CTNNA2: variants seen among roughly 807,000 people sequenced by gnomAD.
The protein encoded by CTNNA2 is catenin alpha-2.
Under a neutral mutation model 101.0 loss-of-function variants are expected in CTNNA2, and 42 were observed. The ratio of observed to expected loss-of-function variants is 0.42; its 90% CI spans 0.32 to 0.54. CTNNA2 has a LOEUF of 0.54. Ranked by LOEUF, CTNNA2 falls within the 20% of genes least tolerant of loss-of-function variation. The pLI, the probability that CTNNA2 is intolerant of heterozygous loss-of-function variation, is 0.14. For synonymous variants in CTNNA2, 450 were observed against 456.4 expected (o/e 0.99, Z 0.18); for missense variants, 871 against 1,223.1 (o/e 0.71, Z 4.29).
At chr2:79,787,142 C>T (rs953967387) in intron 3 of CTNNA2, among the ~76,000 whole-genome samples, 14 of 152,146 alleles carry the variant, frequency 9.2e-5, no homozygotes, top group Admixed American at 3.9e-4. Context: ...AAATGATCCT[C>T]GCTTCAAAAT....
chr2:79,388,282 C>G (rs1023542767), intron 4 of CTNNA2, among the ~76,000 whole-genome samples: 2 of 152,126 alleles, frequency 1.3e-5, no homozygotes, highest in Non-Finnish European at 2.9e-5. Context: ...GGTCACTGTT[C>G]CAAAGGGAAG....
At chr2:79,778,606 C>A (rs1019233970) in intron 3 of CTNNA2, among the ~76,000 whole-genome samples, 1 of 152,032 alleles carries the variant, frequency 6.6e-6, no homozygotes, top group African/African-American at 2.4e-5. Context: ...TACATATATA[C>A]ACACATATAT....
At chr2:79,842,358 C>A (rs955049564) in intron 3 of CTNNA2, among the ~76,000 whole-genome samples, 1 of 152,186 alleles carries the variant, frequency 6.6e-6, no homozygotes, top group Admixed American at 6.5e-5. Context: ...GAAATGGGAA[C>A]AGTACCCCAT....
At chr2:79,298,942 T>A in intron 2 of CTNNA2, among the ~76,000 whole-genome samples, 1 of 152,254 alleles carries the variant, frequency 6.6e-6, no homozygotes, top group Non-Finnish European at 1.5e-5. Flanking sequence ...AATCCCTGAA[T>A]AACTTATCCA....
chr2:79,682,579 C>T (rs568371427), intron 2 of CTNNA2, among the ~76,000 whole-genome samples: 2 of 152,070 alleles, frequency 1.3e-5, no homozygotes, highest in East Asian at 3.9e-4. Context: ...ATAAATAAAA[C>T]ATTTTAGAAT....
intron 2 of CTNNA2, among the ~76,000 whole-genome samples, chr2:79,671,170 T>C (rs935574377): frequency 4.6e-5 from 7 of 152,220 alleles, no homozygotes; most frequent in African/African-American, 9.6e-5. Flanking sequence ...TGTTGTTGCC[T>C]GGCTGATGAC....
chr2:79,469,873 T>C (rs954498204), intron 4 of CTNNA2, among the ~76,000 whole-genome samples: 53 of 152,300 alleles, frequency 3.5e-4, no homozygotes, highest in African/African-American at 1.1e-3. Context: ...ATTGATGGGA[T>C]GTATCTCAAA....
chr2:79,305,947 C>G (rs60217199), intron 2 of CTNNA2, among the ~76,000 whole-genome samples: 28,728 of 150,332 alleles, frequency 0.19, 3,326 homozygotes, highest in African/African-American at 0.33. Flanking sequence ...TTGGGAGGCT[C>G]AGGCAGGAGA....
At position 79,788,597 on chromosome 2, in the gene CTNNA2, G is replaced by A. The variant is rs553562481; in HGVS notation, c.298+44015G>A. Reference sequence around the variant, plus strand: ...GAAAGGTTAAGGGACACCTGCTTCCGTGAGAGGACTCCAGAGTGGTTGCAT... The same window carrying A: ...GAAAGGTTAAGGGACACCTGCTTCCATGAGAGGACTCCAGAGTGGTTGCAT... On this transcript the variant is annotated intron_variant, in intron 3 of 18. Coordinates refer to ENST00000402739, the MANE Select transcript of CTNNA2 (RefSeq NM_001282597.3). 1.4e-4 allele frequency among the ~76,000 whole-genome samples: 22 copies of A among 152,286 alleles called. No homozygotes were observed. The South Asian group carries it at 4.2e-3, about 29-fold the overall frequency.
At chr2:80,586,074 G>A (rs2010574) in intron 14 of CTNNA2, among the ~76,000 whole-genome samples, 85,526 of 151,968 alleles carry the variant, frequency 0.56, 24,570 homozygotes, top group African/African-American at 0.67. Context: ...CTTCTCTTGA[G>A]TTATGTTAAT....
chr2:79,644,222 T>G (rs572572950), intron 1 of CTNNA2, among the ~76,000 whole-genome samples: 1 of 152,096 alleles, frequency 6.6e-6, no homozygotes, highest in Non-Finnish European at 1.5e-5. Flanking sequence ...GTATCTTTAG[T>G]AGAGATGGGG....
intron 4 of CTNNA2, among the ~76,000 whole-genome samples, chr2:79,504,501 G>A (rs1396056833): frequency 1.3e-5 from 2 of 152,058 alleles, no homozygotes; most frequent in African/African-American, 2.4e-5. Context: ...TATTGACCAG[G>A]CTGGTCTCAC....
At chr2:79,249,668 T>C (rs1433869307) in intron 2 of CTNNA2, among the ~76,000 whole-genome samples, 3 of 152,194 alleles carry the variant, frequency 2.0e-5, no homozygotes, top group Non-Finnish European at 4.4e-5. Context: ...GGAGTATTTG[T>C]TTGTAGACTT....
chr2:80,522,736 C>T (rs1033173314), intron 9 of CTNNA2, among the ~76,000 whole-genome samples: 5 of 152,096 alleles, frequency 3.3e-5, no homozygotes, highest in Non-Finnish European at 5.9e-5. Context: ...CTTGCTTTCC[C>T]CCTCACCTTC....
At chr2:80,162,980 A>T in intron 7 of CTNNA2, 1 of 1,545,858 alleles carries the variant, frequency 6.5e-7, no homozygotes, top group Admixed American at 1.7e-5. Flanking sequence ...GCGAGGCATG[A>T]CTACTTCCTG....
chr2:79,506,613 G>C (rs947955815), intron 5 of CTNNA2, among the ~76,000 whole-genome samples: 1 of 152,120 alleles, frequency 6.6e-6, no homozygotes, highest in Admixed American at 6.5e-5. Context: ...GGTTGATATT[G>C]GTAATCTTTG....
intron 2 of CTNNA2, among the ~76,000 whole-genome samples, chr2:79,705,612 A>G (rs1685303906): frequency 6.6e-6 from 1 of 152,204 alleles, no homozygotes; most frequent in Non-Finnish European, 1.5e-5. Context: ...GATGTGTTCA[A>G]ATACACAGTT....
At chr2:79,738,081 G>A (rs896158007) in intron 2 of CTNNA2, among the ~76,000 whole-genome samples, 4 of 152,220 alleles carry the variant, frequency 2.6e-5, no homozygotes, top group African/African-American at 9.7e-5. Context: ...TGCAGGAGTG[G>A]TAGGTCAACT....
intron 7 of CTNNA2, among the ~76,000 whole-genome samples, chr2:80,138,892 C>CT (rs1047680240): frequency 6.6e-6 from 1 of 152,092 alleles, no homozygotes; most frequent in Admixed American, 6.6e-5. Context: ...GATGTGTCCA[C>CT]TTTTTTTGTG....
Sources: gnomAD v4.1 joint callset for allele counts (sites outside exome capture counted in the v4.1 genomes callset) on GRCh38, gnomAD v4.1.1 for gene constraint, MANE v1.5 for transcripts, NCBI Gene and HGNC (gene_info 2026-07-23, HGNC 2026-07-21) for gene names.